The following THBS4 variants were observed in gnomAD, a reference collection of about 807,000 sequenced individuals.
THBS4 encodes the protein thrombospondin-4.
THBS4 carries 90 observed loss-of-function variants against 115.7 expected under a neutral mutation model. The observed-to-expected ratio is 0.78, with a 90% CI of 0.66 to 0.93. The LOEUF (loss-of-function observed/expected upper bound fraction) is 0.93. THBS4 is among the 40% of genes least tolerant of loss of function. THBS4 has a pLI of 0.00. For missense variants in THBS4, 1,087 were observed against 1,232.7 expected, an observed-to-expected ratio of 0.88 and a Z score of 1.77; for synonymous variants, 460 against 479.3, an observed-to-expected ratio of 0.96 and a Z score of 0.53.
Position 80,050,620 on chromosome 5 carries a change from T to G in THBS4, c.293-5165T>G, listed in dbSNP as rs538430916. Among the ~76,000 whole-genome samples the G allele has an allele frequency of 6.6e-5, 10 of 152,338 alleles. No individual in the cohort carries two copies. The East Asian group carries it at 1.9e-3, about 29-fold the overall frequency. ...CAGACTCTTGGAGCCAGAGGCTGCATGACCTCTAAACTGTAATTTCTAATC... is the reference window on the plus strand; with the variant it reads ...CAGACTCTTGGAGCCAGAGGCTGCAGGACCTCTAAACTGTAATTTCTAATC... On this transcript the variant is annotated intron_variant, in intron 2 of 21. Transcript: ENST00000350881.
At chr5:80,017,358 ATG>A (rs1252818227) in intron 2 of THBS4, among the ~76,000 whole-genome samples, 1 of 152,124 alleles carries the variant, frequency 6.6e-6, no homozygotes, top group African/African-American at 2.4e-5. Flanking sequence ...ACCCAACAAA[ATG>A]TGTGTTTTTT....
intron 2 of THBS4, among the ~76,000 whole-genome samples, chr5:80,054,610 C>T (rs187841723): frequency 0.015 from 2,323 of 152,058 alleles, 31 homozygotes; most frequent in Non-Finnish European, 0.025. Context: ...TGAGCCACTG[C>T]GCCCAGCCTG....
At chr5:79,994,747 A>G (rs898402694) in intron 1 of THBS4, among the ~76,000 whole-genome samples, 16 of 152,222 alleles carry the variant, frequency 1.1e-4, no homozygotes, top group African/African-American at 3.9e-4. Context: ...AGAAGATTGC[A>G]GTGAGCCGTG....
chr5:80,064,216 C>A (rs1372391132), intron 8 of THBS4, among the ~76,000 whole-genome samples: 1 of 152,196 alleles, frequency 6.6e-6, no homozygotes, highest in African/African-American at 2.4e-5. Context: ...GTACCACATA[C>A]AGTTATGAGT....
intron 2 of THBS4, among the ~76,000 whole-genome samples, chr5:80,012,300 G>A (rs1014229339): frequency 2.0e-5 from 3 of 152,142 alleles, no homozygotes; most frequent in Non-Finnish European, 4.4e-5. Context: ...TCTAGGATGA[G>A]CATAAGATTA....
chr5:80,023,148 A>G (rs1832411312), intron 2 of THBS4, among the ~76,000 whole-genome samples: 1 of 152,236 alleles, frequency 6.6e-6, no homozygotes. Context: ...TTATCATGGA[A>G]TAATTATTCC....
chr5:80,023,256 T>G (rs1426534773), intron 2 of THBS4, among the ~76,000 whole-genome samples: 1 of 152,188 alleles, frequency 6.6e-6, no homozygotes, highest in Non-Finnish European at 1.5e-5. Context: ...CATCTCTACA[T>G]TGGACAATAT....
At chr5:80,029,611 C>G (rs1239158110) in intron 2 of THBS4, among the ~76,000 whole-genome samples, 1 of 152,048 alleles carries the variant, frequency 6.6e-6, no homozygotes, top group Admixed American at 6.6e-5. Context: ...TCTTGCTTTA[C>G]TAATCGTCAG....
At chr5:80,002,657 T>G (rs1402472743) in intron 2 of THBS4, among the ~76,000 whole-genome samples, 1 of 150,194 alleles carries the variant, frequency 6.7e-6, no homozygotes. Context: ...CAAGAAGAAA[T>G]TGTCCAAGCA....
At chr5:80,007,609 C>T (rs893675573) in intron 2 of THBS4, among the ~76,000 whole-genome samples, 11 of 152,178 alleles carry the variant, frequency 7.2e-5, no homozygotes, top group African/African-American at 1.2e-4. Context: ...CCTCAAGGCT[C>T]GCACTCTGTC....
chr5:80,062,778 T>A (rs1018393416), intron 8 of THBS4, among the ~76,000 whole-genome samples: 2 of 152,098 alleles, frequency 1.3e-5, no homozygotes, highest in South Asian at 4.1e-4. Context: ...AGTGAGAACA[T>A]GCGGTGTTTG....
chr5:80,020,202 A>G (rs2434271), intron 2 of THBS4, among the ~76,000 whole-genome samples: 142,861 of 152,264 alleles, frequency 0.94, 67,354 homozygotes, highest in Middle Eastern at 1. Flanking sequence ...TGCCGGGCGC[A>G]GTGGCTCACG....
chr5:80,000,071 T>G (rs1831866627), intron 2 of THBS4, among the ~76,000 whole-genome samples: 1 of 152,202 alleles, frequency 6.6e-6, no homozygotes. Flanking sequence ...AGTAGGTATA[T>G]GGGAGAATGG....
chr5:80,035,606 C>A lies in THBS4; in HGVS notation c.69C>A (p.Gly23=). The part of the protein sequence containing the change: ...HLVLQRWLAA[G]AQATPQVFDL... ...TCCTGCAGCGGTGGCTAGCGGCAGG[C>A]GCCCAGGCCACCCCCCAGGGTAAGT... The change falls in exon 1 of 22, where the codon GGC becomes GGA. Residue 23 remains glycine, a synonymous_variant. Coordinates refer to ENST00000350881, the MANE Select transcript of THBS4 (RefSeq NM_003248.6). The surrounding 1 kb of genome is among the most constrained non-coding windows in gnomAD (Gnocchi z 4.6). The A allele has an allele frequency of 2.9e-6, 4 of 1,395,272 alleles. No homozygotes were observed. Among genetic ancestry groups the A allele is most frequent in the Admixed American group, 3.0e-5 (1 of 33,836 alleles). 86.4% of individuals were successfully genotyped at this position (1,395,272 alleles called of 1,614,324 possible).
chr5:80,082,572 A>T, intron 21 of THBS4, 27 bp downstream of exon 21: 1 of 1,612,254 alleles, frequency 6.2e-7, no homozygotes, highest in Non-Finnish European at 8.5e-7. Flanking sequence ...TTACTGTTCA[A>T]CATTGTTACT....
chr5:80,078,365 T>G, intron 17 of THBS4, 138 bp downstream of exon 17: 1 of 644,026 alleles, frequency 1.6e-6, no homozygotes, highest in Non-Finnish European at 2.4e-6. Context: ...AACAGCCCTA[T>G]GACAGACTAC....
intron 9 of THBS4, 47 bp from the exon 10 acceptor site, chr5:80,067,926 C>A (rs765959494): frequency 6.2e-7 from 1 of 1,602,540 alleles, no homozygotes; most frequent in Admixed American, 1.7e-5. Context: ...CAAACTGTAC[C>A]TTTGCCCACA....
At chr5:80,051,280 C>T (rs909344425) in intron 2 of THBS4, among the ~76,000 whole-genome samples, 1 of 152,098 alleles carries the variant, frequency 6.6e-6, no homozygotes, top group Non-Finnish European at 1.5e-5. Context: ...GATGTGAAAA[C>T]GTTGAGTTTC....
chr5:80,028,228 C>A (rs1348560594), intron 2 of THBS4, among the ~76,000 whole-genome samples: 1 of 152,002 alleles, frequency 6.6e-6, no homozygotes, highest in South Asian at 2.1e-4. Context: ...ACCAACTTAT[C>A]TACCCTTACC....
Sources: gnomAD v4.1 joint callset for allele counts (sites outside exome capture counted in the v4.1 genomes callset) on GRCh38, gnomAD v4.1.1 for gene constraint, Gnocchi (gnomAD v3.1) non-coding constraint, MANE v1.5 for transcripts, NCBI Gene and HGNC (gene_info 2026-07-23, HGNC 2026-07-21) for gene names.